DOCK5: variants seen among roughly 807,000 people sequenced by gnomAD.
The protein encoded by DOCK5 is dedicator of cytokinesis 5, also known as dedicator of cytokinesis protein 5.
Under a neutral mutation model 251.8 loss-of-function variants are expected in DOCK5, and 142 were observed. The ratio of observed to expected loss-of-function variants is 0.56; its 90% confidence interval spans 0.49 to 0.65. The LOEUF is 0.65. DOCK5 is among the 30% of genes least tolerant of loss of function. The probability of loss-of-function intolerance (pLI) is 0.00; values close to 1 mark genes in which losing one functional copy is unlikely to be tolerated. For missense variants in DOCK5, 2,111 were observed against 2,312.3 expected, an observed-to-expected ratio of 0.91 and a Z score of 1.79; for synonymous variants, 842 against 835.5, an observed-to-expected ratio of 1.01 and a Z score of -0.13.
intron 31 of DOCK5, among the ~76,000 whole-genome samples, chr8:25,367,506 G>A (rs185921146): frequency 4.3e-4 from 66 of 152,294 alleles, no homozygotes; most frequent in Non-Finnish European, 7.5e-4. Flanking sequence ...AGACCATGTC[G>A]TTAAAAAATA....
intron 45 of DOCK5, among the ~76,000 whole-genome samples, chr8:25,396,948 C>T (rs560926675): frequency 2.3e-4 from 35 of 152,066 alleles, no homozygotes; most frequent in Non-Finnish European, 4.7e-4. Flanking sequence ...TGGCCAGGCA[C>T]GGTGACTCAT....
At chr8:25,191,429 T>G (rs1801579662) in intron 1 of DOCK5, among the ~76,000 whole-genome samples, 1 of 152,234 alleles carries the variant, frequency 6.6e-6, no homozygotes, top group African/African-American at 2.4e-5. Flanking sequence ...CTTGAAAATA[T>G]GTATTTTTAC....
chr8:25,300,427 C>G (rs1804732217), intron 8 of DOCK5, 149 bp from the exon 9 acceptor site: 2 of 654,586 alleles, frequency 3.1e-6, no homozygotes, highest in Non-Finnish European at 5.1e-6. Flanking sequence ...GGTCCCAGTT[C>G]CCAACTCAGC....
At chr8:25,285,022 G>A (rs1011809743) in intron 5 of DOCK5, among the ~76,000 whole-genome samples, 2 of 152,230 alleles carry the variant, frequency 1.3e-5, no homozygotes, top group Non-Finnish European at 2.9e-5. Context: ...GTGGTCAATC[G>A]GGCTGTTTTG....
At chr8:25,389,051 T>A (rs751797765) in intron 40 of DOCK5, 40 bp from the exon 41 acceptor site, 1 of 1,604,164 alleles carries the variant, frequency 6.2e-7, no homozygotes, top group Non-Finnish European at 8.5e-7. Flanking sequence ...CTCTCCACTC[T>A]TCCTATGTAA....
chr8:25,239,647 C>A (rs1303907743), intron 1 of DOCK5, among the ~76,000 whole-genome samples: 1 of 152,010 alleles, frequency 6.6e-6, no homozygotes. Flanking sequence ...TTTGCGTAAA[C>A]CAGCAGACGA....
At chr8:25,324,307 G>A (rs1192670269) in intron 17 of DOCK5, among the ~76,000 whole-genome samples, 1 of 152,088 alleles carries the variant, frequency 6.6e-6, no homozygotes, top group East Asian at 1.9e-4. Flanking sequence ...GTGCACTGTT[G>A]GGCTTCAGTA....
At chr8:25,292,327 G>GA (rs1373038238) in intron 6 of DOCK5, among the ~76,000 whole-genome samples, 155 bp downstream of exon 6, 1 of 152,056 alleles carries the variant, frequency 6.6e-6, no homozygotes, top group Non-Finnish European at 1.5e-5. Flanking sequence ...TAATTTTGTT[G>GA]AAAAAAATGT....
intron 38 of DOCK5, among the ~76,000 whole-genome samples, chr8:25,380,007 T>A (rs886944108): frequency 6.6e-6 from 1 of 152,188 alleles, no homozygotes; most frequent in South Asian, 2.1e-4. Context: ...GTGCTGTAGG[T>A]GCTTGACCTG....
chr8:25,278,873 TC>T (rs1399559701), intron 5 of DOCK5, among the ~76,000 whole-genome samples: 5 of 152,188 alleles, frequency 3.3e-5, no homozygotes, highest in African/African-American at 1.2e-4. Context: ...GCGTAATCAT[TC>T]TAGCAGTCTT....
chr8:25,313,335 ATG>A (rs1351559385), intron 13 of DOCK5, among the ~76,000 whole-genome samples: 1 of 152,080 alleles, frequency 6.6e-6, no homozygotes, highest in Non-Finnish European at 1.5e-5. Flanking sequence ...ACCCATGATC[ATG>A]GTATCGCTAC....
intron 16 of DOCK5, 62 bp downstream of exon 16, chr8:25,321,114 C>A: frequency 1.4e-6 from 2 of 1,405,020 alleles, no homozygotes; most frequent in East Asian, 2.3e-5. Context: ...GGCTTGACAG[C>A]CATCTTGTGA....
intron 2 of DOCK5, among the ~76,000 whole-genome samples, chr8:25,266,282 C>T (rs1409342314): frequency 1.2e-4 from 18 of 151,422 alleles, no homozygotes; most frequent in Middle Eastern, 3.4e-3. Context: ...GTGGCACTAT[C>T]TCGGCTCACT....
chr8:25,277,485 A>C (rs1034577837), intron 4 of DOCK5: 1 of 151,894 alleles, frequency 6.6e-6, no homozygotes, highest in Non-Finnish European at 1.5e-5. Context: ...ATCGCTCCAG[A>C]CTCCCAGATA....
At chr8:25,300,303 T>G (rs2117165007) in intron 8 of DOCK5, among the ~76,000 whole-genome samples, 1 of 152,330 alleles carries the variant, frequency 6.6e-6, no homozygotes, top group East Asian at 1.9e-4. Context: ...AGCTCTACCA[T>G]GTCTGTGCCC....
At chr8:25,320,482 C>T (rs1314816306) in intron 15 of DOCK5, among the ~76,000 whole-genome samples, 3 of 152,212 alleles carry the variant, frequency 2.0e-5, no homozygotes, top group South Asian at 4.2e-4. Context: ...TATAATCATG[C>T]CATGATTTGA....
chr8:25,210,036 ATGTGTG>A lies in DOCK5; in HGVS notation c.43+25113_43+25118del, dbSNP rs780570238. ...TATATATATATATATATATATATAA[ATGTGTG>A]TGTGTGTGTGTGTGTGTGTGTGTGT... is the stretch of plus-strand genomic sequence containing the variant. On this transcript the variant is annotated intron_variant, in intron 1 of 51. Coordinates refer to ENST00000276440, the MANE Select transcript of DOCK5 (RefSeq NM_024940.8). 2.8e-3 allele frequency among the ~76,000 whole-genome samples: 90 copies of A among 31,616 alleles called. 14 individuals are homozygous for A. Among genetic ancestry groups the A allele is most frequent in the African/African-American group, 4.8e-3 (66 of 13,840 alleles). The allele number at this position is 31,616 out of a possible 152,430, so 20.7% of individuals were successfully genotyped here. A position where few individuals can be genotyped will look rare whatever the true frequency, so the allele number is the denominator to read the frequency against.
At chr8:25,373,948 C>A (rs373186865) in intron 36 of DOCK5, among the ~76,000 whole-genome samples, 1 of 152,128 alleles carries the variant, frequency 6.6e-6, no homozygotes, top group African/African-American at 2.4e-5. Flanking sequence ...GGAAAACCCA[C>A]CCAAGAGTCT....
intron 26 of DOCK5, among the ~76,000 whole-genome samples, chr8:25,348,530 G>T (rs901117617): frequency 6.6e-6 from 1 of 152,176 alleles, no homozygotes; most frequent in Non-Finnish European, 1.5e-5. Context: ...GGAGATTCTT[G>T]TGTTATGCTT....
Sources: gnomAD v4.1 joint callset for allele counts (sites outside exome capture counted in the v4.1 genomes callset) on GRCh38, gnomAD v4.1.1 for gene constraint, MANE v1.5 for transcripts, NCBI Gene and HGNC (gene_info 2026-07-23, HGNC 2026-07-21) for gene names.